Variants in PPFIA2 observed in about 807,000 individuals in gnomAD.
PPFIA2 encodes liprin-alpha-2.
In PPFIA2, 46 loss-of-function variants were observed where a neutral mutation model predicts 175.5. The observed-to-expected ratio is 0.26, with a 90% CI of 0.21 to 0.34. PPFIA2 has a LOEUF of 0.34. Among genes scored for constraint, PPFIA2 ranks in the 10% least tolerant of loss-of-function variants. The pLI is 1.00. For missense variants in PPFIA2, 1,179 were observed against 1,506.1 expected (o/e 0.78, Z 3.60); for synonymous variants, 568 against 511.4 (o/e 1.11, Z -1.49).
chr12:81,413,442 G>A (rs1480314807), intron 7 of PPFIA2, among the ~76,000 whole-genome samples: 2 of 151,698 alleles, frequency 1.3e-5, no homozygotes, highest in African/African-American at 4.8e-5. Context: ...GAGCTCACTG[G>A]GGAAATAAAG....
intron 4 of PPFIA2, among the ~76,000 whole-genome samples, chr12:81,592,270 T>C (rs1025372071): frequency 6.6e-6 from 1 of 152,166 alleles, no homozygotes; most frequent in South Asian, 2.1e-4. Flanking sequence ...TACAGGCTCA[T>C]AGGCAGAAGA....
At chr12:81,579,945 C>T (rs1383094131) in intron 4 of PPFIA2, among the ~76,000 whole-genome samples, 1 of 151,600 alleles carries the variant, frequency 6.6e-6, no homozygotes, top group Admixed American at 6.6e-5. Flanking sequence ...ATTATGCATT[C>T]TGAAGTTCGA....
intron 7 of PPFIA2, among the ~76,000 whole-genome samples, chr12:81,438,671 C>T (rs2049557759): frequency 1.3e-5 from 2 of 151,938 alleles, no homozygotes; most frequent in Admixed American, 6.6e-5. Flanking sequence ...TTTATATTTA[C>T]TTATTTTTTA....
At chr12:81,548,279 A>G (rs2067299878) in intron 4 of PPFIA2, among the ~76,000 whole-genome samples, 1 of 152,190 alleles carries the variant, frequency 6.6e-6, no homozygotes, top group African/African-American at 2.4e-5. Flanking sequence ...ACAGGGAAAT[A>G]CACGGGGAAT....
At chr12:81,663,088 C>T (rs1004196919) in intron 4 of PPFIA2, among the ~76,000 whole-genome samples, 1 of 151,206 alleles carries the variant, frequency 6.6e-6, no homozygotes, top group Admixed American at 6.6e-5. Context: ...AAACCCACAG[C>T]CAATATCATA....
intron 4 of PPFIA2, chr12:81,506,210 G>A (rs776823537): frequency 6.6e-6 from 1 of 152,138 alleles, no homozygotes; most frequent in Non-Finnish European, 1.5e-5. Context: ...AAAGACCTCA[G>A]TTATAACTTT....
At chr12:81,652,864 A>T (rs957555785) in intron 4 of PPFIA2, among the ~76,000 whole-genome samples, 35 of 151,738 alleles carry the variant, frequency 2.3e-4, no homozygotes, top group African/African-American at 8.5e-4. Context: ...TTTTCTTCCC[A>T]CTCCCAACCC....
intron 4 of PPFIA2, among the ~76,000 whole-genome samples, chr12:81,673,618 T>G (rs2071862469): frequency 6.6e-6 from 1 of 152,040 alleles, no homozygotes; most frequent in South Asian, 2.1e-4. Flanking sequence ...TTTTTATGAA[T>G]GGAAACATAT....
chr12:81,625,050 C>A (rs1178516412), intron 4 of PPFIA2, among the ~76,000 whole-genome samples: 1 of 151,510 alleles, frequency 6.6e-6, no homozygotes, highest in Non-Finnish European at 1.5e-5. Context: ...CACTACGATC[C>A]CTAAATAAAC....
intron 7 of PPFIA2, among the ~76,000 whole-genome samples, chr12:81,437,139 G>A (rs1441112087): frequency 6.6e-6 from 1 of 152,090 alleles, no homozygotes; most frequent in Non-Finnish European, 1.5e-5. Context: ...GAAAACAGTC[G>A]TAAATCTTTC....
chr12:81,752,930 A>G (rs1319011977), intron 3 of PPFIA2, among the ~76,000 whole-genome samples: 2 of 128,476 alleles, frequency 1.6e-5, no homozygotes, highest in African/African-American at 2.6e-5. Flanking sequence ...AGGCACAATT[A>G]TGCTTTTCAT....
intron 17 of PPFIA2, among the ~76,000 whole-genome samples, chr12:81,351,908 TA>T (rs988752611): frequency 3.2e-4 from 49 of 151,282 alleles, no homozygotes; most frequent in African/African-American, 9.7e-4. Flanking sequence ...CCTATTTAAA[TA>T]AAAAAAAATC....
intron 4 of PPFIA2, among the ~76,000 whole-genome samples, chr12:81,480,222 C>T (rs1400481141): frequency 3.6e-4 from 54 of 151,940 alleles, no homozygotes; most frequent in Non-Finnish European, 5.9e-5. Flanking sequence ...CTTGTGTATG[C>T]TTCATGAAGT....
At chr12:81,280,539 T>A (rs909527810) in intron 27 of PPFIA2, among the ~76,000 whole-genome samples, 6 of 152,122 alleles carry the variant, frequency 3.9e-5, no homozygotes, top group Non-Finnish European at 7.4e-5. Context: ...ATGGTTATAT[T>A]TATTAACTTA....
chr12:81,287,591 A>C (rs2043791273), intron 24 of PPFIA2, among the ~76,000 whole-genome samples: 1 of 151,990 alleles, frequency 6.6e-6, no homozygotes, highest in Non-Finnish European at 1.5e-5. Context: ...TAGTTTCTAC[A>C]CAACCTAGTC....
intron 3 of PPFIA2, among the ~76,000 whole-genome samples, chr12:81,691,763 G>C (rs1156732484): frequency 1.3e-5 from 2 of 152,110 alleles, no homozygotes; most frequent in African/African-American, 4.8e-5. Context: ...GTGGAAAGGA[G>C]ATAAGTAACT....
At chr12:81,576,767 T>C (rs2073630024) in intron 4 of PPFIA2, among the ~76,000 whole-genome samples, 1 of 151,864 alleles carries the variant, frequency 6.6e-6, no homozygotes, top group African/African-American at 2.4e-5. Context: ...AATCACGTCA[T>C]ATTTTAGGAA....
intron 32 of PPFIA2, among the ~76,000 whole-genome samples, chr12:81,261,449 T>C (rs368317873): frequency 1.3e-3 from 198 of 152,290 alleles, no homozygotes; most frequent in Admixed American, 4.0e-3. Context: ...ACTCCTGACC[T>C]GAAGTGATCC....
intron 32 of PPFIA2, chr12:81,260,297 A>G (rs2034970487): frequency 6.6e-6 from 1 of 152,202 alleles, no homozygotes; most frequent in Non-Finnish European, 1.5e-5. Flanking sequence ...TGTTATCCCA[A>G]TTAATGGTAA....
Sources: allele counts gnomAD v4.1 joint callset (sites outside exome capture counted in the v4.1 genomes callset), GRCh38; gene constraint gnomAD v4.1.1; transcripts MANE v1.5; gene names NCBI Gene and HGNC (gene_info 2026-07-23, HGNC 2026-07-21).